NFATC3: variants seen among roughly 807,000 people sequenced by gnomAD.
NFATC3 encodes the protein nuclear factor of activated T-cells, cytoplasmic 3.
In NFATC3, 46 loss-of-function variants were observed where a neutral mutation model predicts 98.6. The ratio of observed to expected loss-of-function variants is 0.47; its 90% CI spans 0.37 to 0.60. The LOEUF (loss-of-function observed/expected upper bound fraction) is 0.60, where lower values mean the gene tolerates loss of function less well. Among genes scored for constraint, NFATC3 ranks in the 20% least tolerant of loss-of-function variants. NFATC3 has a pLI of 0.00. For synonymous variants in NFATC3, 512 were observed against 472.2 expected, an observed-to-expected ratio of 1.08 and a Z score of -1.09; for missense variants, 1,256 against 1,295.5, an observed-to-expected ratio of 0.97 and a Z score of 0.47.
chr16:68,085,387 C>T lies in NFATC3; in HGVS notation c.-295C>T, dbSNP rs918495419. On this transcript the variant is annotated 5_prime_UTR_variant, in exon 1 of 10. Transcript: ENST00000346183. ...CGCGCGGCAGGGCGCGAGAGCGCAC[C>T]CGCGGCGGCGGTGGCGGCGACTGTG... 9.8e-6 allele frequency: 2 copies of T among 204,586 alleles called. No individual in the cohort carries two copies. Among genetic ancestry groups the T allele is most frequent in the African/African-American group, 2.5e-5 (1 of 39,562 alleles). The allele number at this position is 204,586 out of a possible 1,614,324, so 12.7% of individuals were successfully genotyped here.
rs117627543 is a variant in NFATC3, at chr16:68,091,289, A to G, written c.103+5505A>G. Among the ~76,000 whole-genome samples, 68 of 152,316 alleles carry G rather than the reference A, an allele frequency of 4.5e-4. No individual in the cohort carries two copies. The East Asian group carries it at 0.012, about 27-fold the overall frequency. ...GGCCTGTATCTTAAGCGTTCAAGAT[A>G]ATAATTTAAAGTAAGCTGTAGAATC... is the stretch of plus-strand genomic sequence containing the variant. On this transcript the variant is annotated intron_variant, in intron 1 of 9. Coordinates refer to ENST00000346183, the MANE Select transcript of NFATC3 (RefSeq NM_173165.3).
chr16:68,206,046 C>T (rs1598593776), intron 9 of NFATC3, among the ~76,000 whole-genome samples: 1 of 152,024 alleles, frequency 6.6e-6, no homozygotes, highest in East Asian at 1.9e-4. Context: ...TTGATCCTTC[C>T]TCTTACTGAT....
chr16:68,221,911 G>A (rs753723264), intron 9 of NFATC3, among the ~76,000 whole-genome samples: 12 of 152,138 alleles, frequency 7.9e-5, no homozygotes, highest in Non-Finnish European at 1.8e-4. Context: ...TTATATAAGT[G>A]TACTTGGTAA....
At chr16:68,172,465 GA>G (rs1373004546) in intron 5 of NFATC3, among the ~76,000 whole-genome samples, 1 of 152,068 alleles carries the variant, frequency 6.6e-6, no homozygotes, top group African/African-American at 2.4e-5. Context: ...TATTTGGCAA[GA>G]AAAAACCATT....
intron 3 of NFATC3, among the ~76,000 whole-genome samples, chr16:68,152,738 G>C (rs1264713035): frequency 6.6e-6 from 1 of 152,136 alleles, no homozygotes; most frequent in African/African-American, 2.4e-5. Context: ...TTTTACATGG[G>C]TGGAGAAAAA....
At chr16:68,226,200 C>A in intron 9 of NFATC3, 150 bp from the exon 10 acceptor site, 2 of 812,414 alleles carry the variant, frequency 2.5e-6, no homozygotes, top group Non-Finnish European at 3.6e-6. Context: ...ATCTCTAATG[C>A]CACTCAGCTC....
chr16:68,222,026 A>G (rs2041881912), intron 9 of NFATC3, among the ~76,000 whole-genome samples: 1 of 152,006 alleles, frequency 6.6e-6, no homozygotes, highest in Non-Finnish European at 1.5e-5. Flanking sequence ...GCAGTGGGTC[A>G]CGCCTGTAAT....
At chr16:68,217,744 A>G (rs2041692035) in intron 9 of NFATC3, 1 of 1,231,512 alleles carries the variant, frequency 8.1e-7, no homozygotes, top group Admixed American at 4.2e-5. Flanking sequence ...CTTAGTCATG[A>G]CTGAGTCTTA....
At chr16:68,174,861 G>A (rs921554398) in intron 6 of NFATC3, among the ~76,000 whole-genome samples, 2 of 152,042 alleles carry the variant, frequency 1.3e-5, no homozygotes, top group African/African-American at 4.8e-5. Context: ...AAATAATAAT[G>A]TAATAATAAT....
chr16:68,187,275 C>G (rs992331482), intron 8 of NFATC3, among the ~76,000 whole-genome samples: 1 of 152,140 alleles, frequency 6.6e-6, no homozygotes, highest in Admixed American at 6.5e-5. Context: ...CCTCAGAGCC[C>G]CAAAGAGGGT....
At chr16:68,113,605 T>A (rs938418789) in intron 1 of NFATC3, among the ~76,000 whole-genome samples, 1 of 152,244 alleles carries the variant, frequency 6.6e-6, no homozygotes, top group African/African-American at 2.4e-5. Flanking sequence ...GCAGTCTGAC[T>A]GCCCCTTGGC....
intron 2 of NFATC3, among the ~76,000 whole-genome samples, chr16:68,124,894 A>C (rs1161508382): frequency 6.6e-6 from 1 of 151,072 alleles, no homozygotes; most frequent in Non-Finnish European, 1.5e-5. Flanking sequence ...ACGCCTGGCT[A>C]ATTTTTTTGT....
At chr16:68,148,664 G>A (rs1444430424) in intron 3 of NFATC3, among the ~76,000 whole-genome samples, 1 of 152,244 alleles carries the variant, frequency 6.6e-6, no homozygotes, top group Non-Finnish European at 1.5e-5. Flanking sequence ...TCTGAAAGTG[G>A]GATGTGAGGT....
chr16:68,226,246 GA>G (rs1181068724), intron 9 of NFATC3, 103 bp from the exon 10 acceptor site: 4 of 1,375,866 alleles, frequency 2.9e-6, no homozygotes, highest in Admixed American at 2.9e-5. Flanking sequence ...TATCTTTACA[GA>G]AAGCCATGGG....
At chr16:68,181,364 G>GA in intron 6 of NFATC3, 111 bp from the exon 7 acceptor site, 1 of 741,094 alleles carries the variant, frequency 1.3e-6, no homozygotes, top group Non-Finnish European at 2.4e-6. Context: ...GAAGTCAGTG[G>GA]AAAAAAGATC....
chr16:68,177,032 C>CTTTTTTTTT (rs548092276), intron 6 of NFATC3, among the ~76,000 whole-genome samples: 2 of 133,108 alleles, frequency 1.5e-5, no homozygotes, highest in African/African-American at 2.8e-5. Flanking sequence ...CTTTTCTTTT[C>CTTTTTTTTT]TTTTTTTTTT....
chr16:68,168,844 C>T (rs4359427), intron 5 of NFATC3, among the ~76,000 whole-genome samples: 27,840 of 152,064 alleles, frequency 0.18, 2,931 homozygotes, highest in African/African-American at 0.28. Context: ...TTTTGCTGTT[C>T]GCTGAATTGG....
chr16:68,195,263 A>C (rs2040614292), intron 9 of NFATC3, among the ~76,000 whole-genome samples: 1 of 152,134 alleles, frequency 6.6e-6, no homozygotes, highest in South Asian at 2.1e-4. Flanking sequence ...CTCAAAAAAG[A>C]AGCAAGAAAG....
chr16:68,086,612 A>G, intron 1 of NFATC3: 1 of 983,884 alleles, frequency 1.0e-6, no homozygotes. Flanking sequence ...GTGGTTCATT[A>G]AGTTCAGTTT....
Sources: gnomAD v4.1 joint callset for allele counts (sites outside exome capture counted in the v4.1 genomes callset) on GRCh38, gnomAD v4.1.1 for gene constraint, MANE v1.5 for transcripts, NCBI Gene and HGNC (gene_info 2026-07-23, HGNC 2026-07-21) for gene names.